FOXK2: variants seen among roughly 807,000 people sequenced by gnomAD.
FOXK2 encodes forkhead box protein K2.
FOXK2 carries 24 observed loss-of-function variants against 53.3 expected under a neutral mutation model. That is an observed-to-expected ratio of 0.45 (90% CI 0.33 to 0.63). FOXK2 has a LOEUF of 0.63. Among genes scored for constraint, FOXK2 ranks in the 30% least tolerant of loss-of-function variants. FOXK2 has a pLI of 0.03. For missense variants in FOXK2, 952 were observed against 910.5 expected (o/e 1.05, Z -0.59); for synonymous variants, 505 against 407.1 (o/e 1.24, Z -2.89).
intron 1 of FOXK2, among the ~76,000 whole-genome samples, chr17:82,530,502 A>G (rs1181902646): frequency 7.0e-6 from 1 of 143,818 alleles, no homozygotes; most frequent in Non-Finnish European, 1.5e-5. Context: ...ATTTAAAACT[A>G]CTGATGTGTT....
chr17:82,533,479 G>C (rs1263787886), intron 1 of FOXK2, among the ~76,000 whole-genome samples: 1 of 146,312 alleles, frequency 6.8e-6, no homozygotes, highest in Non-Finnish European at 1.5e-5. Flanking sequence ...GATGGAGTGA[G>C]ACTTTGTCTC....
chr17:82,585,800 T>C (rs2045131113), intron 6 of FOXK2, 104 bp from the exon 7 acceptor site: 2 of 1,172,308 alleles, frequency 1.7e-6, no homozygotes, highest in African/African-American at 1.5e-5. Flanking sequence ...ATATCCTATA[T>C]TTTAAATTAA....
chr17:82,590,283 A>G (rs1168664720), intron 8 of FOXK2, among the ~76,000 whole-genome samples: 1 of 152,112 alleles, frequency 6.6e-6, no homozygotes, highest in Non-Finnish European at 1.5e-5. Flanking sequence ...TAGGATGAGA[A>G]CCACTGCACA....
intron 1 of FOXK2, among the ~76,000 whole-genome samples, chr17:82,525,842 T>TGAA (rs1214863389): frequency 3.3e-5 from 5 of 152,234 alleles, no homozygotes; most frequent in African/African-American, 1.2e-4. Flanking sequence ...CTATCAGTTC[T>TGAA]ACCCAGTGGT....
Position 82,520,241 on chromosome 17 carries a change from A to G in FOXK2, c.353A>G (p.Lys118Arg). The G allele has an allele frequency of 1.5e-6, 2 of 1,302,956 alleles. No homozygotes were observed. The highest frequency in any genetic ancestry group is 2.0e-6 in the Non-Finnish European group (2 of 1,024,800). The allele number at this position is 1,302,956 out of a possible 1,614,324, so 80.7% of individuals were successfully genotyped here. A position where few individuals can be genotyped will look rare whatever the true frequency, so the allele number is the denominator to read the frequency against. ...GACTTCTACCTGCGCTGCTTGGGCA[A>G]GAACGGGGTATTCGTGGACGGCGTG... The part of the protein sequence containing the change: ...GGDFYLRCLG[K>R]NGVFVDGVFQ... Residue 118 changes from lysine (K) to arginine (R), a missense_variant, in exon 1 of 9, where the codon AAG becomes AGG. Around this residue, in one of 5 missense-constraint regions of FOXK2, gnomAD observed 76 missense variants for 128.2 expected, o/e 0.59. Coordinates refer to ENST00000335255, the MANE Select transcript of FOXK2 (RefSeq NM_004514.4).
At chr17:82,566,906 C>T (rs1288634605) in intron 2 of FOXK2, among the ~76,000 whole-genome samples, 1 of 152,236 alleles carries the variant, frequency 6.6e-6, no homozygotes, top group East Asian at 1.9e-4. Flanking sequence ...ACACTGGCTG[C>T]ATCCTCCACT....
chr17:82,569,276 G>C (rs978862540), intron 3 of FOXK2, among the ~76,000 whole-genome samples: 1 of 152,222 alleles, frequency 6.6e-6, no homozygotes, highest in Admixed American at 6.5e-5. Flanking sequence ...CCCACCTGCG[G>C]CCGACTACGG....
intron 2 of FOXK2, among the ~76,000 whole-genome samples, chr17:82,565,523 A>G (rs1379495189): frequency 6.6e-6 from 1 of 152,224 alleles, no homozygotes; most frequent in Non-Finnish European, 1.5e-5. Flanking sequence ...TTCAAAGAAG[A>G]TATAGAAATG....
At chr17:82,556,566 C>T (rs1240813819) in intron 1 of FOXK2, among the ~76,000 whole-genome samples, 2 of 143,328 alleles carry the variant, frequency 1.4e-5, no homozygotes, top group East Asian at 4.8e-4. Flanking sequence ...CTTGCTGGGG[C>T]TGGGGCTGGG....
At chr17:82,554,832 C>T (rs1244676206) in intron 1 of FOXK2, among the ~76,000 whole-genome samples, 7 of 151,912 alleles carry the variant, frequency 4.6e-5, no homozygotes, top group Non-Finnish European at 8.8e-5. Context: ...GCAACCTCCG[C>T]CTCCCACGTT....
intron 1 of FOXK2, among the ~76,000 whole-genome samples, chr17:82,523,355 ACTTC>A (rs2044385880): frequency 1.3e-5 from 2 of 152,102 alleles, no homozygotes; most frequent in African/African-American, 4.8e-5. Context: ...ATATTTCAGC[ACTTC>A]CTTTTTTGTA....
chr17:82,583,371 C>A (rs2045088109), intron 5 of FOXK2, among the ~76,000 whole-genome samples: 1 of 152,164 alleles, frequency 6.6e-6, no homozygotes, highest in South Asian at 2.1e-4. Flanking sequence ...ATGGTCAAAC[C>A]CCGTCTCTAC....
At chr17:82,529,218 C>CTTTTTTTTTTTTTT in intron 1 of FOXK2, among the ~76,000 whole-genome samples, 1 of 90,478 alleles carries the variant, frequency 1.1e-5, no homozygotes. Context: ...TTGAAAGCGC[C>CTTTTTTTTTTTTTT]TTTTTTTTTT....
rs1567993834 is a variant in FOXK2, at chr17:82,604,184, G to GACT, written c.*2687_*2689dup. 6.6e-6 allele frequency: 1 copy of GACT among 152,202 alleles called. No homozygotes were observed. The highest frequency in any genetic ancestry group is 1.5e-5 in the Non-Finnish European group (1 of 68,070). 9.4% of individuals were successfully genotyped at this position (152,202 alleles called of 1,614,324 possible). A position where few individuals can be genotyped will look rare whatever the true frequency, so the allele number is the denominator to read the frequency against. On this transcript the variant is annotated 3_prime_UTR_variant, in exon 9 of 9. Transcript: ENST00000335255. ...TTGCCCAACTTCTGAGCTCCTCAGG[G>GACT]ACTAGGAACAATTTCAGTAGCTTTG... is the stretch of plus-strand genomic sequence containing the variant.
At chr17:82,580,221 C>T (rs2045042774) in intron 4 of FOXK2, among the ~76,000 whole-genome samples, 1 of 144,308 alleles carries the variant, frequency 6.9e-6, no homozygotes, top group Non-Finnish European at 1.5e-5. Context: ...TGGCCCAGCC[C>T]ACCTCTCCAT....
Position 82,587,246 on chromosome 17 carries a change from C to G in FOXK2, c.1760C>G (p.Thr587Ser), listed in dbSNP as rs919771574. ...GGCACTCACGTGGCATCAGTCCCCA[C>G]TGCGGTCCACGGCCAGGTGAACAAT... The part of the protein sequence containing the change: ...QNGTHVASVP[T>S]AVHGQVNNAA... Residue 587 changes from threonine to serine, a missense_variant, in exon 8 of 9, where the codon ACT becomes AGT. Thr to Ser is a moderately conservative substitution (Grantham distance 58). Around this residue, in one of 5 missense-constraint regions of FOXK2, gnomAD observed 551 missense variants for 385.1 expected, o/e 1.43. Transcript: ENST00000335255. The G allele has an allele frequency of 2.5e-5, 41 of 1,612,974 alleles. No homozygotes were observed. The highest frequency in any genetic ancestry group is 3.3e-5 in the Non-Finnish European group (39 of 1,179,930).
At chr17:82,581,134 C>T (rs567004273) in intron 4 of FOXK2, among the ~76,000 whole-genome samples, 1 of 152,330 alleles carries the variant, frequency 6.6e-6, no homozygotes, top group Admixed American at 6.5e-5. Context: ...TGGATAGCTC[C>T]AGATTTTGTT....
chr17:82,526,313 G>A (rs982145640), intron 1 of FOXK2, among the ~76,000 whole-genome samples: 1 of 152,160 alleles, frequency 6.6e-6, no homozygotes, highest in African/African-American at 2.4e-5. Flanking sequence ...AGATGGCCAA[G>A]GGACATGGCT....
At chr17:82,553,026 C>T (rs2044691777) in intron 1 of FOXK2, among the ~76,000 whole-genome samples, 1 of 152,222 alleles carries the variant, frequency 6.6e-6, no homozygotes, top group Non-Finnish European at 1.5e-5. Flanking sequence ...ACCTCTGCCT[C>T]CTGAGTTCAA....
Sources: allele counts gnomAD v4.1 joint callset (sites outside exome capture counted in the v4.1 genomes callset), GRCh38; gene constraint gnomAD v4.1.1; regional missense constraint gnomAD v4.1.1; transcripts MANE v1.5; gene names NCBI Gene and HGNC (gene_info 2026-07-23, HGNC 2026-07-21).